TAFA1: variants seen among roughly 807,000 people sequenced by gnomAD.
TAFA1 encodes TAFA chemokine like family member 1.
In TAFA1, 4 loss-of-function variants were observed where a neutral mutation model predicts 18.5. That is an observed-to-expected ratio of 0.22 (90% CI 0.11 to 0.49). The LOEUF is 0.49. Among genes scored for constraint, TAFA1 ranks in the 20% least tolerant of loss-of-function variants. The probability of loss-of-function intolerance (pLI) is 0.98; values close to 1 mark genes in which losing one functional copy is unlikely to be tolerated. For missense variants in TAFA1, 147 were observed against 169.0 expected, an observed-to-expected ratio of 0.87 and a Z score of 0.72; for synonymous variants, 56 against 55.2, an observed-to-expected ratio of 1.01 and a Z score of -0.06.
intron 3 of TAFA1, among the ~76,000 whole-genome samples, chr3:68,461,853 C>G (rs924104598): frequency 6.6e-6 from 1 of 151,984 alleles, no homozygotes; most frequent in Admixed American, 6.6e-5. Context: ...GCACTTTCGG[C>G]TGTTAATATA....
At position 68,493,547 on chromosome 3, in the gene TAFA1, G is replaced by A. The variant is rs1488830922; in HGVS notation, c.260-45209G>A. On this transcript the variant is annotated intron_variant, in intron 3 of 4. Transcript: ENST00000478136. ...TCATACAGTAATTTTAATTCTTTGA[G>A]GAACCTCCATAACTGTTTTCCACAG... is the stretch of plus-strand genomic sequence containing the variant. Among the ~76,000 whole-genome samples, 5 of 152,070 alleles carry A rather than the reference G, an allele frequency of 3.3e-5. No individual in the cohort carries two copies. The East Asian group carries it at 5.8e-4, about 18-fold the overall frequency.
intron 2 of TAFA1, among the ~76,000 whole-genome samples, chr3:68,313,184 A>G (rs754160074): frequency 1.3e-5 from 2 of 152,242 alleles, no homozygotes; most frequent in Non-Finnish European, 2.9e-5. Flanking sequence ...AAGCCAAACC[A>G]TATTTCTCAT....
chr3:68,178,319 C>T (rs1477922462), intron 2 of TAFA1, among the ~76,000 whole-genome samples: 1 of 152,178 alleles, frequency 6.6e-6, no homozygotes, highest in Non-Finnish European at 1.5e-5. Flanking sequence ...GCCAGACATG[C>T]TGATTCAATG....
chr3:68,172,491 G>T (rs906700633), intron 2 of TAFA1, among the ~76,000 whole-genome samples: 1 of 152,088 alleles, frequency 6.6e-6, no homozygotes, highest in Non-Finnish European at 1.5e-5. Flanking sequence ...CAGTTAAGTA[G>T]TTCCTCAAAA....
At chr3:68,225,063 C>A (rs984749282) in intron 2 of TAFA1, among the ~76,000 whole-genome samples, 2 of 151,782 alleles carry the variant, frequency 1.3e-5, no homozygotes, top group Non-Finnish European at 2.9e-5. Flanking sequence ...TGCACACCAC[C>A]AGGCATGGCT....
chr3:68,334,628 T>C (rs376394608), intron 2 of TAFA1, among the ~76,000 whole-genome samples: 2 of 152,276 alleles, frequency 1.3e-5, no homozygotes, highest in East Asian at 3.9e-4. Context: ...ATCTCTGAAC[T>C]GATACCAGTG....
intron 3 of TAFA1, among the ~76,000 whole-genome samples, chr3:68,519,110 ATG>A (rs2072974662): frequency 6.6e-6 from 1 of 152,228 alleles, no homozygotes; most frequent in African/African-American, 2.4e-5. Context: ...TGTGGTCTGA[ATG>A]TGTGTGTCTC....
At chr3:68,185,906 A>AAAATAAAT (rs10580284) in intron 2 of TAFA1, among the ~76,000 whole-genome samples, 57 of 149,908 alleles carry the variant, frequency 3.8e-4, no homozygotes, top group African/African-American at 6.8e-4. Flanking sequence ...TGTCTCAAAT[A>AAAATAAAT]AAATAAATAA....
At chr3:68,276,523 T>G (rs1016965240) in intron 2 of TAFA1, among the ~76,000 whole-genome samples, 1 of 152,202 alleles carries the variant, frequency 6.6e-6, no homozygotes, top group African/African-American at 2.4e-5. Flanking sequence ...GTGCAAAGTT[T>G]TACCAAGAGG....
rs1326606295 is a variant in TAFA1 at position 68,265,379 on chromosome 3, T to A, written c.119-151901T>A. ...TATGTGAGGTCCTTTCATGTGAAAA[T>A]GACTCTCCATCATCAGGGTCACCTC... On this transcript the variant is annotated intron_variant, in intron 2 of 4. Coordinates refer to ENST00000478136, the MANE Select transcript of TAFA1 (RefSeq NM_213609.4). Among the ~76,000 whole-genome samples, 3 of 152,198 alleles carry A rather than the reference T, an allele frequency of 2.0e-5. No individual in the cohort carries two copies. In the East Asian group the frequency reaches 5.8e-4, roughly 29 times the overall value.
chr3:68,092,295 A>G (rs932058799), intron 2 of TAFA1, among the ~76,000 whole-genome samples: 2 of 152,162 alleles, frequency 1.3e-5, no homozygotes, highest in African/African-American at 4.8e-5. Context: ...GATTTGGGAT[A>G]AAACCTGACA....
chr3:68,458,598 A>T (rs2071710610), intron 3 of TAFA1, among the ~76,000 whole-genome samples: 1 of 152,168 alleles, frequency 6.6e-6, no homozygotes, highest in Non-Finnish European at 1.5e-5. Flanking sequence ...TTCTAAGTTT[A>T]TTAGTCATCC....
chr3:68,320,183 A>T lies in TAFA1; in HGVS notation c.119-97097A>T, dbSNP rs185296601. On this transcript the variant is annotated intron_variant, in intron 2 of 4. Transcript: ENST00000478136. ...AGAGATGGTGTATGTTTTAAAAATGAAGATTAAAATAACATTTTGGCTTTC... is the reference window on the plus strand; with the variant it reads ...AGAGATGGTGTATGTTTTAAAAATGTAGATTAAAATAACATTTTGGCTTTC... 2.1e-3 allele frequency among the ~76,000 whole-genome samples: 320 copies of T among 152,330 alleles called. 1 individual carries two copies. Among genetic ancestry groups the T allele is most frequent in the African/African-American group, 7.3e-3 (302 of 41,578 alleles).
chr3:68,343,162 T>C (rs2069111737), intron 2 of TAFA1, among the ~76,000 whole-genome samples: 1 of 152,210 alleles, frequency 6.6e-6, no homozygotes, highest in African/African-American at 2.4e-5. Context: ...AGGTTAATTG[T>C]CTTTTCTAAA....
chr3:68,197,601 G>T (rs2066427124), intron 2 of TAFA1, among the ~76,000 whole-genome samples: 1 of 151,424 alleles, frequency 6.6e-6, no homozygotes, highest in African/African-American at 2.4e-5. Context: ...GCTGGTGGTT[G>T]TATTAAATCT....
At chr3:68,433,594 A>G (rs548955905) in intron 3 of TAFA1, among the ~76,000 whole-genome samples, 161 of 152,254 alleles carry the variant, frequency 1.1e-3, no homozygotes, top group Non-Finnish European at 1.8e-3. Context: ...AGTGCCCAGC[A>G]CAATGACTGG....
At chr3:68,526,162 C>T (rs1401462479) in intron 3 of TAFA1, among the ~76,000 whole-genome samples, 3 of 152,062 alleles carry the variant, frequency 2.0e-5, no homozygotes, top group African/African-American at 7.2e-5. Context: ...GTAGTTTCTC[C>T]CTTGTCTAAA....
chr3:68,472,770 G>A (rs899306026), intron 3 of TAFA1, among the ~76,000 whole-genome samples: 2 of 152,118 alleles, frequency 1.3e-5, no homozygotes, highest in African/African-American at 2.4e-5. Context: ...AGCTCAATGT[G>A]TGGAATATCA....
chr3:68,540,286 A>C (rs1396804960), intron 4 of TAFA1, among the ~76,000 whole-genome samples: 1 of 152,110 alleles, frequency 6.6e-6, no homozygotes, highest in Non-Finnish European at 1.5e-5. Context: ...GAACCACCCT[A>C]GCTTGCTAAC....
Sources: allele counts gnomAD v4.1 joint callset (sites outside exome capture counted in the v4.1 genomes callset), GRCh38; gene constraint gnomAD v4.1.1; transcripts MANE v1.5; gene names NCBI Gene and HGNC (gene_info 2026-07-23, HGNC 2026-07-21).